ZNF407: variants seen among roughly 807,000 people sequenced by gnomAD.
The protein encoded by ZNF407 is zinc finger protein 407.
ZNF407 carries 17 observed loss-of-function variants against 131.2 expected under a neutral mutation model. The ratio of observed to expected loss-of-function variants is 0.13; its 90% CI spans 0.09 to 0.19. The LOEUF is 0.19. Among genes scored for constraint, ZNF407 ranks in the 10% least tolerant of loss-of-function variants. The probability of loss-of-function intolerance (pLI) is 1.00; values close to 1 mark genes in which losing one functional copy is unlikely to be tolerated. For missense variants in ZNF407, 2,681 were observed against 2,830.6 expected (o/e 0.95, Z 1.20); for synonymous variants, 1,156 against 1,062.0 (o/e 1.09, Z -1.72).
intron 3 of ZNF407, among the ~76,000 whole-genome samples, chr18:74,642,528 C>G (rs1255543214): frequency 6.6e-6 from 1 of 151,866 alleles, no homozygotes. Context: ...AGATCTAATT[C>G]CATTTATTTT....
chr18:75,049,102 TG>T (rs201644533), intron 8 of ZNF407, among the ~76,000 whole-genome samples: 610 of 32,544 alleles, frequency 0.019, 8 homozygotes, highest in African/African-American at 0.066. Flanking sequence ...TTTTTTTGGG[TG>T]GGGGGGGGGT....
At chr18:74,989,295 G>A (rs1972690246) in intron 8 of ZNF407, among the ~76,000 whole-genome samples, 1 of 152,168 alleles carries the variant, frequency 6.6e-6, no homozygotes, top group South Asian at 2.1e-4. Flanking sequence ...ACAGGATGTG[G>A]GAGGTTACTG....
chr18:74,737,213 A>G (rs908259345), intron 3 of ZNF407, among the ~76,000 whole-genome samples: 6 of 152,304 alleles, frequency 3.9e-5, no homozygotes, highest in African/African-American at 1.4e-4. Flanking sequence ...ATTTGTTTTT[A>G]GAGAAGTTTT....
chr18:74,984,978 T>C (rs1207981488), intron 8 of ZNF407, among the ~76,000 whole-genome samples: 3 of 152,234 alleles, frequency 2.0e-5, no homozygotes, highest in African/African-American at 7.2e-5. Context: ...TTACAGTATT[T>C]TTAGAATTTT....
At chr18:74,977,134 G>A (rs1972537488) in intron 8 of ZNF407, among the ~76,000 whole-genome samples, 1 of 152,244 alleles carries the variant, frequency 6.6e-6, no homozygotes, top group South Asian at 2.1e-4. Context: ...TGATGCATTT[G>A]ATGGCTTTGC....
intron 3 of ZNF407, 34 bp downstream of exon 3, chr18:74,641,156 C>T (rs748542698): frequency 1.3e-6 from 2 of 1,528,954 alleles, no homozygotes; most frequent in South Asian, 2.2e-5. Flanking sequence ...GCTGCGTGAA[C>T]CAGGAAGCAT....
chr18:74,758,306 G>A (rs147275493), intron 3 of ZNF407, among the ~76,000 whole-genome samples: 158 of 152,042 alleles, frequency 1.0e-3, no homozygotes, highest in Non-Finnish European at 2.0e-3. Flanking sequence ...ATACACACAT[G>A]TATGTATATG....
chr18:75,049,734 G>A (rs145742758), intron 8 of ZNF407, among the ~76,000 whole-genome samples: 5 of 152,088 alleles, frequency 3.3e-5, no homozygotes, highest in African/African-American at 7.2e-5. Flanking sequence ...TTAAGTATTC[G>A]TAAACTGAAG....
At chr18:74,989,007 A>T (rs1972686626) in intron 8 of ZNF407, among the ~76,000 whole-genome samples, 1 of 152,232 alleles carries the variant, frequency 6.6e-6, no homozygotes. Context: ...AGATGCATCC[A>T]CCTGAAACCT....
chr18:74,820,897 C>G (rs569182225), intron 4 of ZNF407, among the ~76,000 whole-genome samples: 1 of 152,166 alleles, frequency 6.6e-6, no homozygotes, highest in South Asian at 2.1e-4. Context: ...TGCAGTCTGG[C>G]TCAGGAAAAG....
intron 8 of ZNF407, among the ~76,000 whole-genome samples, chr18:75,027,131 G>C (rs1973180918): frequency 6.6e-6 from 1 of 152,196 alleles, no homozygotes; most frequent in Non-Finnish European, 1.5e-5. Context: ...GGAAGACAGG[G>C]AACAAGCTGT....
intron 8 of ZNF407, among the ~76,000 whole-genome samples, chr18:75,032,082 C>T (rs1447432771): frequency 6.6e-6 from 1 of 152,142 alleles, no homozygotes; most frequent in African/African-American, 2.4e-5. Context: ...TAGAGACCAG[C>T]GGAATCACAC....
At chr18:74,794,922 T>C (rs1188572594) in intron 4 of ZNF407, among the ~76,000 whole-genome samples, 3 of 152,160 alleles carry the variant, frequency 2.0e-5, no homozygotes, top group African/African-American at 7.2e-5. Flanking sequence ...AGGATGTTTT[T>C]TGATGAAAGA....
intron 4 of ZNF407, among the ~76,000 whole-genome samples, chr18:74,833,200 C>T (rs1970509274): frequency 6.6e-6 from 1 of 152,238 alleles, no homozygotes. Flanking sequence ...CAGAACAGCA[C>T]AGTCTCTCTT....
At chr18:74,989,473 C>G (rs906083318) in intron 8 of ZNF407, among the ~76,000 whole-genome samples, 1 of 152,146 alleles carries the variant, frequency 6.6e-6, no homozygotes, top group Non-Finnish European at 1.5e-5. Context: ...AGCATTTAAG[C>G]GAGAAAGGGC....
intron 3 of ZNF407, among the ~76,000 whole-genome samples, chr18:74,679,083 A>G (rs745411727): frequency 1.3e-5 from 2 of 152,182 alleles, no homozygotes; most frequent in Non-Finnish European, 2.9e-5. Flanking sequence ...GGTTAAAAAA[A>G]CCATACCCTC....
chr18:74,601,093 A>AC (rs1175773312), intron 1 of ZNF407, among the ~76,000 whole-genome samples: 1 of 152,142 alleles, frequency 6.6e-6, no homozygotes, highest in African/African-American at 2.4e-5. Flanking sequence ...GGTGAGATGG[A>AC]CAAGTCAAGG....
intron 7 of ZNF407, among the ~76,000 whole-genome samples, chr18:74,907,907 A>G (rs1006723263): frequency 8.5e-5 from 13 of 152,222 alleles, no homozygotes; most frequent in African/African-American, 2.7e-4. Context: ...AATATGATCA[A>G]ACTTATTAAA....
intron 8 of ZNF407, among the ~76,000 whole-genome samples, chr18:74,949,682 G>A (rs187149793): frequency 2.0e-5 from 3 of 152,242 alleles, no homozygotes; most frequent in African/African-American, 7.2e-5. Flanking sequence ...AAAGAACAAA[G>A]CCTGAATCCT....
Sources: gnomAD v4.1 joint callset for allele counts (sites outside exome capture counted in the v4.1 genomes callset) on GRCh38, gnomAD v4.1.1 for gene constraint, MANE v1.5 for transcripts, NCBI Gene and HGNC (gene_info 2026-07-23, HGNC 2026-07-21) for gene names.